Variants in ZNF875 observed in about 807,000 individuals in gnomAD.
ZNF875 encodes HKR1, GLI-Kruppel zinc finger family member.
ZNF875 carries 14 observed loss-of-function variants against 11.2 expected under a neutral mutation model. The observed-to-expected ratio is 1.26, with a 90% CI of 0.83 to 1.96. The LOEUF is 1.96. Ranked by LOEUF, ZNF875 falls within the 30% of genes most tolerant of loss-of-function variation. The pLI, the probability that ZNF875 is intolerant of heterozygous loss-of-function variation, is 0.00. For missense variants in ZNF875, 752 were observed against 760.4 expected, an observed-to-expected ratio of 0.99 and a Z score of 0.13; for synonymous variants, 301 against 281.1, an observed-to-expected ratio of 1.07 and a Z score of -0.71.
At position 37,363,047 on chromosome 19, in the gene ZNF875, T is replaced by G. The variant is rs763563841; in HGVS notation, c.1195T>G (p.Cys399Gly). The G allele has an allele frequency of 6.2e-7, 1 of 1,613,842 alleles. No individual in the cohort carries two copies. Among genetic ancestry groups the G allele is most frequent in the Non-Finnish European group, 8.5e-7 (1 of 1,179,972 alleles). ...AGAGAAGCCTTACATTTGCAGGGAG[T>G]GTGAGCAAGGCTTTAGCCAGAAGTC... ...SGEKPYICRE[C>G]EQGFSQKSHL... Residue 399 changes from cysteine to glycine, a missense_variant, in exon 5 of 5, where the codon TGT becomes GGT. By Grantham distance (159) the Cys-to-Gly change is radical (BLOSUM62 -3). Transcript: ENST00000392153.
chr19:37,346,050 T>C (rs2036697072), intron 2 of ZNF875, among the ~76,000 whole-genome samples: 1 of 152,164 alleles, frequency 6.6e-6, no homozygotes, highest in Non-Finnish European at 1.5e-5. Context: ...ATCACAGTGA[T>C]CCAGCCATGC....
upstream of ZNF875, among the ~76,000 whole-genome samples, chr19:37,330,614 T>TA (rs781503419): frequency 3.6e-4 from 55 of 152,228 alleles, no homozygotes; most frequent in Non-Finnish European, 6.0e-4. Flanking sequence ...GCTTACTCCT[T>TA]AGTTTTCTGC....
intron 4 of ZNF875, 24 bp downstream of exon 4, chr19:37,347,896 C>A (rs369600300): frequency 7.4e-7 from 1 of 1,350,992 alleles, no homozygotes; most frequent in Non-Finnish European, 1.1e-6. Flanking sequence ...GTGGGGTAGA[C>A]GGGATAATCC....
intron 2 of ZNF875, among the ~76,000 whole-genome samples, chr19:37,341,266 C>A (rs915165931): frequency 6.6e-6 from 1 of 152,204 alleles, no homozygotes; most frequent in Admixed American, 6.5e-5. Flanking sequence ...AACAAAATCA[C>A]TTATTAGCAC....
At chr19:37,332,534 G>C (rs1448137897), upstream of ZNF875, among the ~76,000 whole-genome samples, 1 of 151,792 alleles carries the variant, frequency 6.6e-6, no homozygotes, top group Admixed American at 6.6e-5. Context: ...TGCTCTTTTT[G>C]CCACTACTTT....
intron 4 of ZNF875, among the ~76,000 whole-genome samples, chr19:37,359,056 AG>A (rs1197451394): frequency 6.6e-6 from 1 of 151,880 alleles, no homozygotes; most frequent in Non-Finnish European, 1.5e-5. Flanking sequence ...ATGTACCACC[AG>A]GCCTGGCTAA....
upstream of ZNF875, chr19:37,317,862 G>GGCGTTTCCGGAAGCCCGCCCTC (rs1568555898): frequency 6.5e-6 from 1 of 152,752 alleles, no homozygotes; most frequent in Non-Finnish European, 1.5e-5. Flanking sequence ...CCCATTGGTC[G>GGCGTTTCCGGAAGCCCGCCCTC]CCGTTTCCGG....
rs2040417247 is a variant in ZNF875, at chr19:37,363,992, C to A, written c.*217C>A. On this transcript the variant is annotated 3_prime_UTR_variant, in exon 5 of 5. Coordinates refer to ENST00000392153, the MANE Select transcript of ZNF875 (RefSeq NM_001353803.2). ...GCTGGCTCATTTTCAGGAGCCCTGC[C>A]CTTCCTCACTGTGGATGGTGGGTTG... The A allele has an allele frequency of 1.8e-6, 1 of 547,136 alleles. No individual in the cohort carries two copies. Among genetic ancestry groups the A allele is most frequent in the Non-Finnish European group, 3.3e-6 (1 of 306,446 alleles). The allele number at this position is 547,136 out of a possible 1,614,324, so 33.9% of individuals were successfully genotyped here.
In ZNF875 at chr19:37,335,196, C is replaced by T; in HGVS notation, c.-29C>T. On this transcript the variant is annotated 5_prime_UTR_variant, in exon 2 of 5. Coordinates refer to ENST00000392153, the MANE Select transcript of ZNF875 (RefSeq NM_001353803.2). The stretch of plus-strand genomic sequence containing the variant: ...CTGTCTTCTGAGACTTTGCCCTTCT[C>T]CAGGAAGAGCACTCAGGAGACCAGG... 1 of 702,340 alleles carries T rather than the reference C, an allele frequency of 1.4e-6. No homozygotes were observed. Among genetic ancestry groups the T allele is most frequent in the Non-Finnish European group, 2.6e-6 (1 of 384,588 alleles). The allele number at this position is 702,340 out of a possible 1,614,324, so 43.5% of individuals were successfully genotyped here.
chr19:37,332,340 C>G (rs1289737962), upstream of ZNF875, among the ~76,000 whole-genome samples: 2 of 151,834 alleles, frequency 1.3e-5, no homozygotes, highest in African/African-American at 4.8e-5. Context: ...ACGAGAAACA[C>G]CCACAGGTGT....
chr19:37,329,277 G>T (rs2033016753), intron 4 of ZNF875, among the ~76,000 whole-genome samples: 1 of 152,106 alleles, frequency 6.6e-6, no homozygotes, highest in South Asian at 2.1e-4. Context: ...CACCCAGCTT[G>T]GGTATCTGGT....
chr19:37,331,452 G>A (rs2033381144), upstream of ZNF875, among the ~76,000 whole-genome samples: 1 of 151,328 alleles, frequency 6.6e-6, no homozygotes, highest in Non-Finnish European at 1.5e-5. Flanking sequence ...AGTAGACATA[G>A]GAGACTCCAT....
intron 4 of ZNF875, among the ~76,000 whole-genome samples, chr19:37,325,284 A>T (rs2032231636): frequency 6.6e-6 from 1 of 152,116 alleles, no homozygotes. Flanking sequence ...GGTACCCACC[A>T]GATGTGTCTG....
chr19:37,345,093 C>G (rs1245109118), intron 2 of ZNF875: 3 of 227,126 alleles, frequency 1.3e-5, no homozygotes, highest in Non-Finnish European at 2.7e-5. Context: ...TGAGATTACT[C>G]TGACCCAGTG....
At chr19:37,323,491 G>A (rs1428054356) in intron 2 of ZNF875, 11 of 152,122 alleles carry the variant, frequency 7.2e-5, no homozygotes, top group African/African-American at 1.9e-4. Flanking sequence ...GAAGGAAGAA[G>A]CCAAACCTAC....
upstream of ZNF875, among the ~76,000 whole-genome samples, chr19:37,317,629 T>TGGTTTGGCGCAGCG (rs1568555498): frequency 6.6e-6 from 1 of 152,218 alleles, no homozygotes; most frequent in Non-Finnish European, 1.5e-5. Flanking sequence ...TGCAAAGTTT[T>TGGTTTGGCGCAGCG]GGTTTGGCGC....
chr19:37,356,353 C>T (rs891696155), intron 4 of ZNF875, among the ~76,000 whole-genome samples: 3 of 152,170 alleles, frequency 2.0e-5, no homozygotes, highest in Admixed American at 6.6e-5. Context: ...GTTTGCCATA[C>T]AGGTTGAACT....
chr19:37,335,322 C>T lies in ZNF875; in HGVS notation c.33+65C>T. 6.1e-6 allele frequency: 4 copies of T among 656,908 alleles called. No individual in the cohort carries two copies. The South Asian group carries it at 6.2e-5, about 10-fold the overall frequency. The allele number at this position is 656,908 out of a possible 1,614,324, so 40.7% of individuals were successfully genotyped here. ...ATGGGTCCCATTACCTTTTCTTGTC[C>T]TGGAGGCTGCCTTGTTGGTATTGGG... On this transcript the variant is annotated intron_variant, in intron 2 of 4. Coordinates refer to ENST00000392153, the MANE Select transcript of ZNF875 (RefSeq NM_001353803.2).
chr19:37,353,591 T>C (rs1263561293), intron 4 of ZNF875, among the ~76,000 whole-genome samples: 2 of 152,200 alleles, frequency 1.3e-5, no homozygotes, highest in African/African-American at 4.8e-5. Context: ...CTTTAACATT[T>C]AGTACAGTTA....
Sources: allele counts gnomAD v4.1 joint callset (sites outside exome capture counted in the v4.1 genomes callset), GRCh38; gene constraint gnomAD v4.1.1; transcripts MANE v1.5; gene names NCBI Gene and HGNC (gene_info 2026-07-23, HGNC 2026-07-21).